FNIP1: variants seen among roughly 807,000 people sequenced by gnomAD.
The protein encoded by FNIP1 is folliculin interacting protein 1.
FNIP1 carries 40 observed loss-of-function variants against 124.5 expected under a neutral mutation model. That is an observed-to-expected ratio of 0.32 (90% confidence interval 0.25 to 0.42). The LOEUF (loss-of-function observed/expected upper bound fraction) is 0.42. Ranked by LOEUF, FNIP1 falls within the 10% of genes least tolerant of loss-of-function variation. The probability of loss-of-function intolerance (pLI) is 1.00; values close to 1 mark genes in which losing one functional copy is unlikely to be tolerated. For missense variants in FNIP1, 1,176 were observed against 1,403.7 expected (o/e 0.84, Z 2.59); for synonymous variants, 472 against 470.6 (o/e 1.00, Z -0.04).
chr5:131,670,687 G>C, intron 14 of FNIP1, 56 bp from the exon 15 acceptor site: 3 of 1,164,632 alleles, frequency 2.6e-6, no homozygotes, highest in Non-Finnish European at 2.3e-6. Flanking sequence ...TATTTAACCA[G>C]TAAAAAAAAA....
chr5:131,755,163 G>A (rs1386841085), intron 1 of FNIP1, among the ~76,000 whole-genome samples: 1 of 152,248 alleles, frequency 6.6e-6, no homozygotes, highest in African/African-American at 2.4e-5. Context: ...GCTCACGCCT[G>A]TAATCCCAGC....
In FNIP1 at chr5:131,644,772, A is replaced by T. The variant is rs1350216187; in HGVS notation, c.3423-9T>A. 2.5e-6 allele frequency: 4 copies of T among 1,613,416 alleles called. No homozygotes were observed. In the East Asian group the frequency reaches 8.9e-5, roughly 36 times the overall value. ...GATCACTGGATTCAATCCTGAAATA[A>T]AGGGGAAAAAAATGTCAGTTTTGAT... On this transcript the variant is annotated splice_polypyrimidine_tract_variant and intron_variant, in intron 17 of 17. Coordinates refer to ENST00000510461, the MANE Select transcript of FNIP1 (RefSeq NM_133372.3).
At chr5:131,696,025 A>T (rs1347545541) in intron 11 of FNIP1, among the ~76,000 whole-genome samples, 5 of 152,366 alleles carry the variant, frequency 3.3e-5, no homozygotes, top group Non-Finnish European at 7.3e-5. Flanking sequence ...CTCCTAAATC[A>T]TAAAGAAGAT....
chr5:131,751,189 G>C (rs759657060), intron 1 of FNIP1, among the ~76,000 whole-genome samples: 4 of 151,956 alleles, frequency 2.6e-5, no homozygotes, highest in Non-Finnish European at 4.4e-5. Flanking sequence ...TCAATTCCAT[G>C]CCTTTGTACA....
Position 131,772,545 on chromosome 5 carries a change from C to T in FNIP1, c.92+24285G>A, listed in dbSNP as rs190609842. Among the ~76,000 whole-genome samples the T allele has an allele frequency of 7.7e-4, 117 of 152,238 alleles. 1 individual carries two copies. The highest frequency in any genetic ancestry group is 3.4e-3 in the Middle Eastern group (1 of 294). On this transcript the variant is annotated intron_variant, in intron 1 of 17. Coordinates refer to ENST00000510461, the MANE Select transcript of FNIP1 (RefSeq NM_133372.3). The stretch of plus-strand genomic sequence containing the variant: ...TACCTGAATCTCAGCCTACCTCAAA[C>T]TTACTAAGTACAACTAAATTTCTCT...
chr5:131,654,635 T>C (rs911075924), intron 15 of FNIP1, among the ~76,000 whole-genome samples: 4 of 152,146 alleles, frequency 2.6e-5, no homozygotes, highest in Middle Eastern at 6.8e-3. Flanking sequence ...TGCTGGGAAG[T>C]AGAGGAGGGC....
At chr5:131,710,403 C>T (rs1354847277) in intron 7 of FNIP1, among the ~76,000 whole-genome samples, 175 bp downstream of exon 7, 1 of 152,170 alleles carries the variant, frequency 6.6e-6, no homozygotes, top group African/African-American at 2.4e-5. Flanking sequence ...TGTCTGGAAA[C>T]TTTAAGAACA....
At chr5:131,736,255 A>G (rs554851493) in intron 2 of FNIP1, among the ~76,000 whole-genome samples, 1 of 152,328 alleles carries the variant, frequency 6.6e-6, no homozygotes, top group Non-Finnish European at 1.5e-5. Flanking sequence ...ACAAAATGCC[A>G]GGCCTTAATG....
intron 1 of FNIP1, among the ~76,000 whole-genome samples, chr5:131,752,086 C>T (rs556603704): frequency 1.3e-5 from 2 of 152,146 alleles, no homozygotes; most frequent in Non-Finnish European, 2.9e-5. Flanking sequence ...CTCTGTTGCA[C>T]AGGCTGGAGT....
Position 131,671,556 on chromosome 5 carries a change from T to C in FNIP1, c.2888A>G (p.Tyr963Cys). 1 of 1,613,226 alleles carries C rather than the reference T, an allele frequency of 6.2e-7. No individual in the cohort carries two copies. The highest frequency in any genetic ancestry group is 8.5e-7 in the Non-Finnish European group (1 of 1,179,982). The part of the protein sequence containing the change: ...HDMTRQVSSY[Y>C]GGEQEDWAEE... ...TGCCCAATCTTCTTGCTCTCCTCCA[T>C]AATAACTGCTAACTTGTCTAGTCAT... Residue 963 changes from tyrosine to cysteine, a missense_variant, in exon 14 of 18, where the codon TAT becomes TGT. Physicochemically the swap from Tyr to Cys is radical, Grantham distance 194. This residue lies in a region of FNIP1 where 1,109 missense variants were observed against 1,288.5 expected (regional missense o/e 0.86). Transcript: ENST00000510461.
intron 15 of FNIP1, among the ~76,000 whole-genome samples, chr5:131,664,465 A>G (rs1767533215): frequency 6.6e-6 from 1 of 151,978 alleles, no homozygotes; most frequent in Admixed American, 6.6e-5. Context: ...GCGAGACCCC[A>G]TCTTCACAAA....
intron 9 of FNIP1, among the ~76,000 whole-genome samples, chr5:131,705,940 T>C (rs529406114): frequency 1.3e-5 from 2 of 152,284 alleles, no homozygotes; most frequent in African/African-American, 4.8e-5. Flanking sequence ...TTCTGACACA[T>C]GCTACAACAT....
At chr5:131,683,048 T>C (rs1306911119) in intron 11 of FNIP1, among the ~76,000 whole-genome samples, 1 of 152,226 alleles carries the variant, frequency 6.6e-6, no homozygotes, top group Non-Finnish European at 1.5e-5. Flanking sequence ...CACATGTAAA[T>C]AATTTCCTTC....
chr5:131,726,947 A>G (rs910825615), intron 3 of FNIP1, among the ~76,000 whole-genome samples: 3 of 152,170 alleles, frequency 2.0e-5, no homozygotes, highest in Admixed American at 6.5e-5. Flanking sequence ...GTTTCTAAGT[A>G]GTTGTGTAGT....
intron 11 of FNIP1, among the ~76,000 whole-genome samples, chr5:131,691,478 T>TA (rs1768478765): frequency 6.6e-6 from 1 of 152,116 alleles, no homozygotes; most frequent in African/African-American, 2.4e-5. Flanking sequence ...TAAGGAATAG[T>TA]AAAATCTAGA....
Position 131,651,942 on chromosome 5 carries a change from T to C in FNIP1, c.3166A>G (p.Lys1056Glu). 1 of 1,614,152 alleles carries C rather than the reference T, an allele frequency of 6.2e-7. No homozygotes were observed. The change falls in exon 16 of 18, where the codon AAA becomes GAA. Residue 1056 changes from lysine (K) to glutamate (E), a missense_variant. Physicochemically the swap from Lys to Glu is moderately conservative, Grantham distance 56 (BLOSUM62 1). This residue lies in a region of FNIP1 where 1,109 missense variants were observed against 1,288.5 expected (regional missense o/e 0.86). Coordinates refer to ENST00000510461, the MANE Select transcript of FNIP1 (RefSeq NM_133372.3). ...EAVCIIADMD[K>E]WTVQVASSQR... The stretch of plus-strand genomic sequence containing the variant: ...CTACTGGCCACTTGAACAGTCCATT[T>C]ATCCATGTCAGCTATAATACAGACA...
At chr5:131,747,914 T>C (rs1283079054) in intron 1 of FNIP1, among the ~76,000 whole-genome samples, 1 of 151,938 alleles carries the variant, frequency 6.6e-6, no homozygotes, top group Admixed American at 6.6e-5. Flanking sequence ...GAGAACAGGA[T>C]ATAGAGCACA....
Position 131,672,207 on chromosome 5 carries a change from G to A in FNIP1, c.2237C>T (p.Ala746Val). Residue 746 changes from alanine to valine, a missense_variant, in exon 14 of 18, where the codon GCT becomes GTT. Ala to Val is a moderately conservative substitution (Grantham distance 64). Coordinates refer to ENST00000510461, the MANE Select transcript of FNIP1 (RefSeq NM_133372.3). ...KIVPASFSCE[A>V]AQTKVTFLIG... ...CAGGAAAGTAACCTTTGTCTGGGCA[G>A]CCTCACAAGAAAATGAAGCAGGCAC... is the stretch of plus-strand genomic sequence containing the variant. 6.2e-7 allele frequency: 1 copy of A among 1,614,160 alleles called. No homozygotes were observed. The highest frequency in any genetic ancestry group is 8.5e-7 in the Non-Finnish European group (1 of 1,180,030).
intron 3 of FNIP1, among the ~76,000 whole-genome samples, chr5:131,724,390 A>G (rs1214575930): frequency 1.3e-5 from 2 of 152,084 alleles, no homozygotes; most frequent in Non-Finnish European, 2.9e-5. Flanking sequence ...TGACTTTTTA[A>G]TGACTGCCAT....
Sources: allele counts gnomAD v4.1 joint callset (sites outside exome capture counted in the v4.1 genomes callset), GRCh38; gene constraint gnomAD v4.1.1; regional missense constraint gnomAD v4.1.1; transcripts MANE v1.5; gene names NCBI Gene and HGNC (gene_info 2026-07-23, HGNC 2026-07-21).